Variants in CCDC73 observed in about 807,000 individuals in gnomAD.
CCDC73 encodes the protein coiled-coil domain-containing protein 73.
CCDC73 carries 95 observed loss-of-function variants against 116.5 expected under a neutral mutation model. The ratio of observed to expected loss-of-function variants is 0.82; its 90% CI spans 0.69 to 0.97. The LOEUF is 0.97. Among genes scored for constraint, CCDC73 ranks in the 50% least tolerant of loss-of-function variants. The pLI, the probability that CCDC73 is intolerant of heterozygous loss-of-function variation, is 0.00. For synonymous variants in CCDC73, 398 were observed against 401.3 expected, an observed-to-expected ratio of 0.99 and a Z score of 0.10; for missense variants, 1,066 against 1,206.8, an observed-to-expected ratio of 0.88 and a Z score of 1.73.
At chr11:32,787,785 C>T (rs1439811160) in intron 1 of CCDC73, among the ~76,000 whole-genome samples, 7 of 152,104 alleles carry the variant, frequency 4.6e-5, no homozygotes, top group African/African-American at 7.2e-5. Flanking sequence ...AAAAAAGATA[C>T]AGAACAATCA....
intron 9 of CCDC73, among the ~76,000 whole-genome samples, chr11:32,665,595 G>T (rs1273083207): frequency 2.0e-5 from 3 of 152,098 alleles, no homozygotes; most frequent in African/African-American, 7.2e-5. Context: ...ACACTGATGG[G>T]TCTTGACTCT....
chr11:32,818,787 T>G, the CCDC73 span, among the ~76,000 whole-genome samples: 2 of 152,210 alleles, frequency 1.3e-5, no homozygotes, highest in African/African-American at 2.4e-5. Context: ...AAAACATTAT[T>G]CTAAGAGAAA....
At chr11:32,608,243 A>G (rs1305566422) in intron 17 of CCDC73, among the ~76,000 whole-genome samples, 1 of 152,196 alleles carries the variant, frequency 6.6e-6, no homozygotes, top group Admixed American at 6.5e-5. Flanking sequence ...TCAAAAGTCC[A>G]AAGTCTCATC....
At chr11:32,721,884 A>G (rs1849993320) in intron 2 of CCDC73, among the ~76,000 whole-genome samples, 1 of 152,158 alleles carries the variant, frequency 6.6e-6, no homozygotes, top group Non-Finnish European at 1.5e-5. Context: ...AGCATGAGCC[A>G]CCGTGCCCAG....
At chr11:32,734,714 A>C (rs990644684) in intron 2 of CCDC73, among the ~76,000 whole-genome samples, 2 of 152,092 alleles carry the variant, frequency 1.3e-5, no homozygotes, top group African/African-American at 4.8e-5. Context: ...GAGACACAAC[A>C]AAAAAAGAGA....
intron 7 of CCDC73, among the ~76,000 whole-genome samples, chr11:32,679,706 G>A (rs997931208): frequency 1.3e-5 from 2 of 152,022 alleles, no homozygotes. Context: ...CAATATTTAC[G>A]TAGCCTTCAT....
At chr11:32,754,899 T>TTTC (rs1850319210) in intron 2 of CCDC73, among the ~76,000 whole-genome samples, 1 of 145,232 alleles carries the variant, frequency 6.9e-6, no homozygotes, top group Non-Finnish European at 1.5e-5. Context: ...TTTTTTTTTT[T>TTTC]TTTTCTGAGA....
chr11:32,642,309 T>C (rs1431831343), intron 12 of CCDC73, among the ~76,000 whole-genome samples: 2 of 151,972 alleles, frequency 1.3e-5, no homozygotes, highest in Non-Finnish European at 2.9e-5. Context: ...TAAAAGAGTA[T>C]AAAAACATTG....
Position 32,760,355 on chromosome 11 carries a change from T to G in CCDC73, c.-15-97A>C, listed in dbSNP as rs990741133. The stretch of plus-strand genomic sequence containing the variant: ...AAATATAACAACCTGTATCCCATAA[T>G]CCTCCAATTTCAGCACTGAATAACA... On this transcript the variant is annotated intron_variant, in intron 1 of 17. Transcript: ENST00000335185. 4.4e-6 allele frequency: 3 copies of G among 680,628 alleles called. No homozygotes were observed. The African/African-American group carries it at 5.5e-5, about 12-fold the overall frequency. The allele number at this position is 680,628 out of a possible 1,614,324, so 42.2% of individuals were successfully genotyped here.
At chr11:32,784,748 CTCT>C (rs1850612490) in intron 1 of CCDC73, among the ~76,000 whole-genome samples, 1 of 152,110 alleles carries the variant, frequency 6.6e-6, no homozygotes, top group East Asian at 1.9e-4. Context: ...TGATTTTGTC[CTCT>C]TCATTCTCCT....
the CCDC73 span, chr11:32,830,318 C>A: frequency 2.4e-6 from 2 of 838,708 alleles, no homozygotes; most frequent in Non-Finnish European, 3.3e-6. Context: ...TCACTGGGCA[C>A]GGCGTTTGTC....
intron 13 of CCDC73, among the ~76,000 whole-genome samples, chr11:32,641,020 CAAAAA>C (rs1015386523): frequency 7.6e-5 from 5 of 65,398 alleles, no homozygotes; most frequent in African/African-American, 3.8e-4. Context: ...TGTCCCCCAC[CAAAAA>C]AAAAGAAAAG....
chr11:32,825,372 G>A, the CCDC73 span, among the ~76,000 whole-genome samples: 14 of 144,192 alleles, frequency 9.7e-5, no homozygotes, highest in East Asian at 1.6e-3. Context: ...GCACCATCTC[G>A]GCTCATCGCA....
At chr11:32,676,070 C>A in intron 7 of CCDC73, 49 bp from the exon 8 acceptor site, 1 of 1,418,686 alleles carries the variant, frequency 7.0e-7, no homozygotes, top group South Asian at 1.5e-5. Context: ...ACACACACAT[C>A]GCCACACACA....
chr11:32,654,958 T>A lies in CCDC73; in HGVS notation c.660A>T (p.Ala220=). Residue 220 remains alanine (A), a synonymous_variant, in exon 10 of 18, where the codon GCA becomes GCT. Coordinates refer to ENST00000335185, the MANE Select transcript of CCDC73 (RefSeq NM_001008391.4). The part of the protein sequence containing the change: ...ICSLKKELKK[A]ASDLIKSKVT... ...CTTTGGACTTTATCAAGTCTGAGGCTGCTTTTTTTAGTTCCTTAATAAGAA... is the reference window on the plus strand; with the variant it reads ...CTTTGGACTTTATCAAGTCTGAGGCAGCTTTTTTTAGTTCCTTAATAAGAA... The A allele has an allele frequency of 6.3e-7, 1 of 1,591,592 alleles. No individual in the cohort carries two copies. Among genetic ancestry groups the A allele is most frequent in the South Asian group, 1.2e-5 (1 of 85,258 alleles).
Position 32,715,294 on chromosome 11 carries a change from G to GT in CCDC73, c.207+2781dup, listed in dbSNP as rs200051556. The stretch of plus-strand genomic sequence containing the variant: ...AATTTTTGATTTGGGGATGGCCTCT[G>GT]TTCTCTTGGTTTAATATAGGTATTC... On this transcript the variant is annotated intron_variant, in intron 3 of 17. Transcript: ENST00000335185. Among the ~76,000 whole-genome samples the GT allele has an allele frequency of 7.2e-3, 1,089 of 152,190 alleles. 17 individuals are homozygous for GT. Among genetic ancestry groups the GT allele is most frequent in the African/African-American group, 0.025 (1,051 of 41,520 alleles).
At chr11:32,703,079 T>C (rs1383350112) in intron 3 of CCDC73, 135 bp from the exon 4 acceptor site, 2 of 679,716 alleles carry the variant, frequency 2.9e-6, no homozygotes, top group East Asian at 5.2e-5. Context: ...GAATGCAACT[T>C]TAAACCAATT....
chr11:32,779,929 C>A (rs528012208), intron 1 of CCDC73, among the ~76,000 whole-genome samples: 1 of 152,026 alleles, frequency 6.6e-6, no homozygotes, highest in Non-Finnish European at 1.5e-5. Flanking sequence ...TCACTTTTTT[C>A]TTTGGATTAA....
chr11:32,612,518 CACTTGAGCCCAGAAGTTCA>C (rs558281502), intron 16 of CCDC73, among the ~76,000 whole-genome samples: 1 of 151,758 alleles, frequency 6.6e-6, no homozygotes, highest in East Asian at 1.9e-4. Flanking sequence ...GCAGGAGGAT[CACTTGAGCCCAGAAGTTCA>C]ACACCAGCCT....
Sources: gnomAD v4.1 joint callset for allele counts (sites outside exome capture counted in the v4.1 genomes callset) on GRCh38, gnomAD v4.1.1 for gene constraint, MANE v1.5 for transcripts, NCBI Gene and HGNC (gene_info 2026-07-23, HGNC 2026-07-21) for gene names.